PAQR5: variants seen among roughly 807,000 people sequenced by gnomAD.
PAQR5 encodes membrane progestin receptor gamma.
In PAQR5, 20 loss-of-function variants were observed where a neutral mutation model predicts 34.5. That is an observed-to-expected ratio of 0.58 (90% CI 0.41 to 0.84). PAQR5 has a LOEUF of 0.84. Among genes scored for constraint, PAQR5 ranks in the 40% least tolerant of loss-of-function variants. PAQR5 has a pLI of 0.00. For synonymous variants in PAQR5, 131 were observed against 155.6 expected, an observed-to-expected ratio of 0.84 and a Z score of 1.18; for missense variants, 378 against 412.7, an observed-to-expected ratio of 0.92 and a Z score of 0.73.
chr15:69,382,209 T>C (rs1034833868), intron 4 of PAQR5, among the ~76,000 whole-genome samples: 1 of 152,038 alleles, frequency 6.6e-6, no homozygotes, highest in Non-Finnish European at 1.5e-5. Flanking sequence ...AAGAGGGACA[T>C]AGACAAACTA....
In PAQR5 at chr15:69,403,598, T is replaced by A; in HGVS notation, c.769T>A (p.Phe257Ile). 1 of 1,614,172 alleles carries A rather than the reference T, an allele frequency of 6.2e-7. No homozygotes were observed. The highest frequency in any genetic ancestry group is 8.5e-7 in the Non-Finnish European group (1 of 1,180,016). The stretch of plus-strand genomic sequence containing the variant: ...TGCCATAGGTCACAGTCACCAGCTG[T>A]TTCACGTGTGTGTGATCCTGGCCAC... The part of the protein sequence containing the change: ...FDYIGHSHQL[F>I]HVCVILATHM... Residue 257 changes from phenylalanine to isoleucine, a missense_variant, in exon 9 of 9, where the codon TTT becomes ATT. Physicochemically the swap from Phe to Ile is conservative, Grantham distance 21. Coordinates refer to ENST00000395407, the MANE Select transcript of PAQR5 (RefSeq NM_017705.4).
At chr15:69,399,897 ATGCAGG>A (rs756829517) in intron 7 of PAQR5, 71 bp from the exon 8 acceptor site, 341 of 1,470,280 alleles carry the variant, frequency 2.3e-4, no homozygotes, top group Non-Finnish European at 3.0e-4. Context: ...AAAGTCCCAG[ATGCAGG>A]TGCTGAGAAG....
At chr15:69,379,457 G>A in intron 3 of PAQR5, 3 of 985,440 alleles carry the variant, frequency 3.0e-6, no homozygotes, top group Non-Finnish European at 3.6e-6. Flanking sequence ...ATCTTCTGCA[G>A]AGTTCTTCCC....
At chr15:69,380,143 G>T (rs2055843243) in intron 4 of PAQR5, 133 bp downstream of exon 4, 6 of 910,090 alleles carry the variant, frequency 6.6e-6, no homozygotes, top group Non-Finnish European at 1.0e-5. Context: ...GGTACACGCG[G>T]GTGAAGGGAG....
intron 6 of PAQR5, among the ~76,000 whole-genome samples, chr15:69,390,063 T>C (rs1277941829): frequency 1.3e-5 from 2 of 152,238 alleles, no homozygotes; most frequent in African/African-American, 2.4e-5. Flanking sequence ...TCACCCAGGC[T>C]GAAGTGTGAT....
At chr15:69,376,223 T>C (rs538161590) in intron 3 of PAQR5, among the ~76,000 whole-genome samples, 1 of 152,354 alleles carries the variant, frequency 6.6e-6, no homozygotes, top group East Asian at 1.9e-4. Flanking sequence ...AGGCACCTGC[T>C]TACTTGGGGG....
At chr15:69,304,375 C>T (rs1328657943) in intron 1 of PAQR5, among the ~76,000 whole-genome samples, 1 of 152,238 alleles carries the variant, frequency 6.6e-6, no homozygotes, top group Non-Finnish European at 1.5e-5. Flanking sequence ...ATTGCACCGT[C>T]AGCTCTGATG....
intron 8 of PAQR5, among the ~76,000 whole-genome samples, chr15:69,400,702 C>T (rs897403459): frequency 4.0e-5 from 6 of 151,746 alleles, no homozygotes; most frequent in Admixed American, 6.6e-5. Context: ...TGGGAGCAGC[C>T]GAGGAGAGGA....
intron 2 of PAQR5, among the ~76,000 whole-genome samples, chr15:69,356,167 G>T (rs1170429561): frequency 6.6e-6 from 1 of 152,174 alleles, no homozygotes; most frequent in African/African-American, 2.4e-5. Context: ...ACCTAGGTAG[G>T]CAGGTCTGTG....
chr15:69,397,138 A>G (rs2056461597), intron 6 of PAQR5: 6 of 475,950 alleles, frequency 1.3e-5, no homozygotes, highest in Non-Finnish European at 2.5e-5. Flanking sequence ...TGTAGCAACT[A>G]GAGTTTTAAA....
intron 1 of PAQR5, among the ~76,000 whole-genome samples, chr15:69,300,396 C>G: frequency 6.6e-6 from 1 of 152,122 alleles, no homozygotes; most frequent in East Asian, 1.9e-4. Flanking sequence ...AGCAAAGCTT[C>G]TTTTCCAACT....
chr15:69,333,892 T>A (rs764024515), intron 1 of PAQR5, among the ~76,000 whole-genome samples: 10 of 152,160 alleles, frequency 6.6e-5, no homozygotes, highest in Non-Finnish European at 1.0e-4. Flanking sequence ...TGTGTGTGTG[T>A]GAGATGTTTG....
At chr15:69,352,544 C>T (rs1254266980) in intron 2 of PAQR5, among the ~76,000 whole-genome samples, 1 of 152,210 alleles carries the variant, frequency 6.6e-6, no homozygotes, top group East Asian at 1.9e-4. Flanking sequence ...TGGGAAATGC[C>T]CTATGATCAG....
At chr15:69,357,070 C>G (rs1426094763) in intron 2 of PAQR5, among the ~76,000 whole-genome samples, 2 of 152,010 alleles carry the variant, frequency 1.3e-5, no homozygotes, top group Non-Finnish European at 2.9e-5. Context: ...CTCTCTCTCT[C>G]TTTCTCTCTT....
chr15:69,379,770 A>C, intron 3 of PAQR5, 113 bp from the exon 4 acceptor site: 2 of 1,366,330 alleles, frequency 1.5e-6, no homozygotes, highest in South Asian at 2.7e-5. Flanking sequence ...CAGGTTAAGG[A>C]CTTGGGGTCA....
At chr15:69,306,260 C>T (rs1010264671) in intron 1 of PAQR5, among the ~76,000 whole-genome samples, 4 of 151,714 alleles carry the variant, frequency 2.6e-5, no homozygotes, top group East Asian at 1.9e-4. Context: ...GGCAGCTTCC[C>T]GAGAGGAAGA....
chr15:69,385,812 T>G lies in PAQR5; in HGVS notation c.385+930T>G, dbSNP rs2056090759. ...CACACACATACAATGCACTCACACA[T>G]GCACATACACACACTCACCACATAT... On this transcript the variant is annotated intron_variant, in intron 5 of 8. Transcript: ENST00000395407. The surrounding 1 kb of genome is among the most constrained non-coding windows in gnomAD (Gnocchi z 4.7). Among the ~76,000 whole-genome samples the G allele has an allele frequency of 6.6e-6, 1 of 151,374 alleles. No individual in the cohort carries two copies. Among genetic ancestry groups the G allele is most frequent in the South Asian group, 2.1e-4 (1 of 4,802 alleles).
At chr15:69,333,185 C>T (rs542782103) in intron 1 of PAQR5, among the ~76,000 whole-genome samples, 1 of 151,798 alleles carries the variant, frequency 6.6e-6, no homozygotes, top group Non-Finnish European at 1.5e-5. Context: ...AAGATAACTT[C>T]TGGTAGCCTG....
At chr15:69,349,492 G>A (rs574852184) in intron 2 of PAQR5, among the ~76,000 whole-genome samples, 3 of 152,226 alleles carry the variant, frequency 2.0e-5, no homozygotes, top group South Asian at 2.1e-4. Flanking sequence ...ATTGCTGTGG[G>A]CACACTAAAC....
Sources: allele counts gnomAD v4.1 joint callset (sites outside exome capture counted in the v4.1 genomes callset), GRCh38; gene constraint gnomAD v4.1.1; non-coding constraint Gnocchi (gnomAD v3.1); transcripts MANE v1.5; gene names NCBI Gene and HGNC (gene_info 2026-07-23, HGNC 2026-07-21).